The following TRAPPC8 variants were observed in gnomAD, a reference collection of about 807,000 sequenced individuals.
TRAPPC8 encodes trafficking protein particle complex subunit 8.
Under a neutral mutation model 174.3 loss-of-function variants are expected in TRAPPC8, and 54 were observed. The observed-to-expected ratio is 0.31, with a 90% confidence interval of 0.25 to 0.39. TRAPPC8 has a LOEUF of 0.39. Among genes scored for constraint, TRAPPC8 ranks in the 10% least tolerant of loss-of-function variants. The pLI is 1.00. For missense variants in TRAPPC8, 1,531 were observed against 1,699.1 expected (o/e 0.90, Z 1.74); for synonymous variants, 630 against 579.9 (o/e 1.09, Z -1.24).
At chr18:31,938,908 C>T (rs2038211891) in intron 1 of TRAPPC8, among the ~76,000 whole-genome samples, 1 of 151,998 alleles carries the variant, frequency 6.6e-6, no homozygotes, top group Admixed American at 6.6e-5. Flanking sequence ...GGTGAAACCC[C>T]ATCTCTACCA....
intron 25 of TRAPPC8, among the ~76,000 whole-genome samples, chr18:31,847,660 G>A (rs1409634449): frequency 6.6e-6 from 1 of 152,136 alleles, no homozygotes; most frequent in Non-Finnish European, 1.5e-5. Flanking sequence ...GACCTGTTCA[G>A]CGTCTATATT....
At chr18:31,857,238 A>G (rs1488147832) in intron 20 of TRAPPC8, among the ~76,000 whole-genome samples, 1 of 152,230 alleles carries the variant, frequency 6.6e-6, no homozygotes. Context: ...ATTTTAATAC[A>G]TGGTACCTGT....
chr18:31,937,186 C>G (rs2038143702), intron 1 of TRAPPC8, among the ~76,000 whole-genome samples: 1 of 152,268 alleles, frequency 6.6e-6, no homozygotes, highest in Non-Finnish European at 1.5e-5. Flanking sequence ...GCACTCCAGC[C>G]TGGGTGACAG....
chr18:31,935,013 T>C (rs981339898), intron 1 of TRAPPC8, among the ~76,000 whole-genome samples: 1 of 151,062 alleles, frequency 6.6e-6, no homozygotes, highest in East Asian at 1.9e-4. Flanking sequence ...AATAATGACA[T>C]CTTTTATGCT....
chr18:31,869,660 T>C (rs1318968210), intron 16 of TRAPPC8, among the ~76,000 whole-genome samples: 1 of 152,212 alleles, frequency 6.6e-6, no homozygotes, highest in Non-Finnish European at 1.5e-5. Flanking sequence ...ATCACTCATA[T>C]GATGGAATAT....
intron 26 of TRAPPC8, chr18:31,844,380 A>C (rs2033272687): frequency 6.6e-6 from 1 of 152,208 alleles, no homozygotes; most frequent in Admixed American, 6.5e-5. Flanking sequence ...GAACAAACGC[A>C]GAACTTCTGG....
intron 1 of TRAPPC8, among the ~76,000 whole-genome samples, chr18:31,936,209 G>A (rs1438772443): frequency 6.6e-6 from 1 of 151,768 alleles, no homozygotes; most frequent in East Asian, 1.9e-4. Flanking sequence ...CTGTAATCTA[G>A]GCACTTTGGG....
intron 2 of TRAPPC8, among the ~76,000 whole-genome samples, chr18:31,928,036 G>C (rs1212295980): frequency 6.6e-6 from 1 of 151,478 alleles, no homozygotes; most frequent in Non-Finnish European, 1.5e-5. Flanking sequence ...CACACCTGTA[G>C]TCCCAGAAAC....
At chr18:31,865,734 A>G (rs2034555526) in intron 18 of TRAPPC8, among the ~76,000 whole-genome samples, 1 of 151,784 alleles carries the variant, frequency 6.6e-6, no homozygotes, top group Non-Finnish European at 1.5e-5. Flanking sequence ...AAAAGAAAGG[A>G]GATTCAAAAA....
intron 4 of TRAPPC8, among the ~76,000 whole-genome samples, chr18:31,915,693 G>A (rs552451999): frequency 6.6e-6 from 1 of 151,608 alleles, no homozygotes; most frequent in South Asian, 2.1e-4. Context: ...TCAGGAGATC[G>A]AGACCATGGT....
Position 31,871,096 on chromosome 18 carries a change from A to C in TRAPPC8, c.2087T>G (p.Val696Gly). 3.2e-6 allele frequency: 5 copies of C among 1,571,492 alleles called. No individual in the cohort carries two copies. Among genetic ancestry groups the C allele is most frequent in the Non-Finnish European group, 4.3e-6 (5 of 1,154,220 alleles). Residue 696 changes from valine (V) to glycine (G), a missense_variant, in exon 15 of 29, where the codon GTA becomes GGA. By Grantham distance (109) the Val-to-Gly change is moderately radical (BLOSUM62 -3). Transcript: ENST00000283351. The part of the protein sequence containing the change: ...ADGEKQAATH[V>G]SLDQEYDSES... ...AGAATCATATTCTTGATCAAGACTT[A>C]CATGAGTAGCTGCTTGTTTTTCACC...
At chr18:31,860,895 G>A (rs569105692) in intron 19 of TRAPPC8, among the ~76,000 whole-genome samples, 2 of 152,296 alleles carry the variant, frequency 1.3e-5, no homozygotes, top group Non-Finnish European at 2.9e-5. Flanking sequence ...TAAGTATTGT[G>A]TAAACTGCTT....
chr18:31,870,505 A>G lies in TRAPPC8; in HGVS notation c.2258-3T>C. 1 of 1,599,304 alleles carries G rather than the reference A, an allele frequency of 6.3e-7. No individual in the cohort carries two copies. The highest frequency in any genetic ancestry group is 8.5e-7 in the Non-Finnish European group (1 of 1,175,578). ...AGCCACTTCCACTGTAATTGGTTCT[A>G]TTAAAAAAAAGGCCTAAATTAATAA... On this transcript the variant is annotated splice_polypyrimidine_tract_variant and splice_region_variant and intron_variant, in intron 15 of 28. Coordinates refer to ENST00000283351, the MANE Select transcript of TRAPPC8 (RefSeq NM_014939.5).
Position 31,935,559 on chromosome 18 carries a change from A to AAAAAAAAAAAAAAC in TRAPPC8, c.158-4037_158-4036insGTTTTTTTTTTTTT, listed in dbSNP as rs1296194926. 1.6e-4 allele frequency among the ~76,000 whole-genome samples: 23 copies of AAAAAAAAAAAAAAC among 144,902 alleles called. 1 individual carries two copies. The highest frequency in any genetic ancestry group is 5.9e-4 in the African/African-American group (23 of 38,892). On this transcript the variant is annotated intron_variant, in intron 1 of 28. Transcript: ENST00000283351. ...GCGAAACTCCATCTTAAAAAAAAAA[A>AAAAAAAAAAAAAAC]AAAAAAAAAGCAGGCTTTATGAACA...
intron 26 of TRAPPC8, among the ~76,000 whole-genome samples, chr18:31,839,673 T>C (rs1043199266): frequency 2.0e-5 from 3 of 152,238 alleles, no homozygotes; most frequent in African/African-American, 4.8e-5. Context: ...TCCTCACTTA[T>C]GTGTTGGAGT....
At chr18:31,902,203 T>G (rs1392067181) in intron 9 of TRAPPC8, among the ~76,000 whole-genome samples, 3 of 152,146 alleles carry the variant, frequency 2.0e-5, no homozygotes, top group African/African-American at 4.8e-5. Flanking sequence ...TGGTGGCAGG[T>G]GCCTGTAATC....
intron 19 of TRAPPC8, 76 bp from the exon 20 acceptor site, chr18:31,858,058 CTTTT>C: frequency 1.6e-5 from 16 of 977,064 alleles, no homozygotes; most frequent in Non-Finnish European, 2.0e-5. Context: ...CTTTAAGACA[CTTTT>C]TTTTTTTTTT....
chr18:31,940,670 T>C (rs2038293733), intron 1 of TRAPPC8, among the ~76,000 whole-genome samples: 1 of 151,924 alleles, frequency 6.6e-6, no homozygotes, highest in Admixed American at 6.6e-5. Context: ...AGCTAATTTT[T>C]GTATTTTTAG....
At chr18:31,912,839 G>C (rs1206285163) in intron 5 of TRAPPC8, among the ~76,000 whole-genome samples, 2 of 152,082 alleles carry the variant, frequency 1.3e-5, no homozygotes, top group Non-Finnish European at 2.9e-5. Context: ...TTTTAAGAAA[G>C]AGATCAGTCC....
Sources: allele counts gnomAD v4.1 joint callset (sites outside exome capture counted in the v4.1 genomes callset), GRCh38; gene constraint gnomAD v4.1.1; transcripts MANE v1.5; gene names NCBI Gene and HGNC (gene_info 2026-07-23, HGNC 2026-07-21).